Variants in ANKMY1 observed in about 807,000 individuals in gnomAD.
ANKMY1 encodes the protein ankyrin repeat and MYND domain containing 1, also known as ankyrin repeat and MYND domain-containing protein 1.
In ANKMY1, 98 loss-of-function variants were observed where a neutral mutation model predicts 102.0. The observed-to-expected ratio is 0.96, with a 90% CI of 0.82 to 1.14. The LOEUF (loss-of-function observed/expected upper bound fraction) is 1.14. Ranked by LOEUF, ANKMY1 falls within the 50% of genes most tolerant of loss-of-function variation. The probability of loss-of-function intolerance (pLI) is 0.00; values close to 1 mark genes in which losing one functional copy is unlikely to be tolerated. For synonymous variants in ANKMY1, 582 were observed against 559.9 expected (o/e 1.04, Z -0.56); for missense variants, 1,330 against 1,347.6 (o/e 0.99, Z 0.20).
intron 4 of ANKMY1, among the ~76,000 whole-genome samples, chr2:240,549,513 TGGGATC>T (rs1406477809): frequency 6.6e-6 from 1 of 152,004 alleles, no homozygotes; most frequent in African/African-American, 2.4e-5. Context: ...AATTGACAAA[TGGGATC>T]TAATTAAATT....
intron 4 of ANKMY1, among the ~76,000 whole-genome samples, chr2:240,540,074 A>G (rs1396846230): frequency 6.6e-6 from 1 of 152,266 alleles, no homozygotes; most frequent in Non-Finnish European, 1.5e-5. Context: ...CTTGCTATGT[A>G]GCATCCTTAA....
intron 4 of ANKMY1, among the ~76,000 whole-genome samples, chr2:240,546,154 T>C (rs1039949751): frequency 2.6e-5 from 4 of 152,196 alleles, no homozygotes; most frequent in African/African-American, 9.7e-5. Flanking sequence ...AGACTAACAG[T>C]GGATCTCTCG....
intron 15 of ANKMY1, among the ~76,000 whole-genome samples, chr2:240,488,454 AT>A (rs1162803436): frequency 4.0e-5 from 6 of 151,658 alleles, no homozygotes; most frequent in Non-Finnish European, 2.9e-5. Context: ...GCTATTTGGG[AT>A]TTTTTTGGTT....
upstream of ANKMY1, chr2:240,560,999 C>T (rs766787898): frequency 2.5e-5 from 39 of 1,538,634 alleles, no homozygotes; most frequent in South Asian, 4.6e-4. Flanking sequence ...ACTGCAAGAA[C>T]GGCCGCAGCC....
chr2:240,510,089 C>T (rs1470064054), intron 11 of ANKMY1, among the ~76,000 whole-genome samples: 1 of 146,796 alleles, frequency 6.8e-6, no homozygotes, highest in Non-Finnish European at 1.5e-5. Flanking sequence ...TCCCTGCCCC[C>T]CTGCTTCCCT....
At position 240,520,480 on chromosome 2, in the gene ANKMY1, G is replaced by C. The variant is rs1449904197; in HGVS notation, c.1886C>G (p.Pro629Arg). The C allele has an allele frequency of 3.7e-6, 6 of 1,613,278 alleles. No individual in the cohort carries two copies. The highest frequency in any genetic ancestry group is 2.7e-5 in the African/African-American group (2 of 74,924). The change falls in exon 9 of 18, where the codon CCC becomes CGC. Residue 629 changes from proline (P) to arginine (R), a missense_variant. Coordinates refer to ENST00000401804, the MANE Select transcript of ANKMY1 (RefSeq NM_001282771.3). This position sits in a 1 kb window ranked among gnomAD's most constrained non-coding sequence, Gnocchi z 4.8. ...CTGCATGGGCACGCAGCACAGGTTG[G>C]GGTCCGCGCCCCGGCGCAGCAGCAG... The part of the protein sequence containing the change: ...IKLLLRRGAD[P>R]NLCCVPMQVL...
chr2:240,528,925 G>T, intron 5 of ANKMY1, 112 bp downstream of exon 5: 1 of 958,566 alleles, frequency 1.0e-6, no homozygotes, highest in Non-Finnish European at 1.6e-6. Context: ...GTGTGTTTAG[G>T]TCACCCTGAG....
chr2:240,503,957 C>T (rs2078648474), intron 13 of ANKMY1, among the ~76,000 whole-genome samples: 1 of 152,174 alleles, frequency 6.6e-6, no homozygotes, highest in South Asian at 2.1e-4. Context: ...AGGTGGCCAC[C>T]AAGCCCCCAG....
intron 4 of ANKMY1, among the ~76,000 whole-genome samples, chr2:240,534,412 G>C (rs1019987949): frequency 1.3e-5 from 2 of 151,426 alleles, no homozygotes; most frequent in African/African-American, 4.9e-5. Flanking sequence ...TTTGAGACCA[G>C]CCTGGGCAAC....
At chr2:240,534,862 G>A (rs559078213) in intron 4 of ANKMY1, among the ~76,000 whole-genome samples, 19 of 152,184 alleles carry the variant, frequency 1.2e-4, no homozygotes, top group African/African-American at 3.4e-4. Flanking sequence ...CAGCACTTTC[G>A]GAGGCTGAGG....
chr2:240,469,211 G>A, the ANKMY1 span, among the ~76,000 whole-genome samples: 1 of 152,216 alleles, frequency 6.6e-6, no homozygotes. Flanking sequence ...CTGGGCAAAT[G>A]CATCTTTCAT....
intron 13 of ANKMY1, among the ~76,000 whole-genome samples, chr2:240,503,557 A>T (rs2078576574): frequency 6.6e-6 from 1 of 152,196 alleles, no homozygotes; most frequent in Non-Finnish European, 1.5e-5. Context: ...TTTCTGGGAC[A>T]ATCTTTAGAA....
intron 13 of ANKMY1, among the ~76,000 whole-genome samples, chr2:240,505,921 A>G (rs1307227726): frequency 6.6e-6 from 1 of 152,140 alleles, no homozygotes; most frequent in Non-Finnish European, 1.5e-5. Context: ...AGATGAGACC[A>G]TTTAAGGGAG....
Position 240,526,399 on chromosome 2 carries a change from C to T in ANKMY1, c.1000G>A (p.Gly334Arg). ...CAGGGTGCAAAGCCACTGCGCTTCCCCTCCAGGATGGCGCCCATGTTCCAG... is the reference window on the plus strand; with the variant it reads ...CAGGGTGCAAAGCCACTGCGCTTCCTCTCCAGGATGGCGCCCATGTTCCAG... ...TSWNMGAILEGKRSGFAPCGP... is the reference protein window; with the variant it reads ...TSWNMGAILERKRSGFAPCGP... The change falls in exon 6 of 18, where the codon GGG becomes AGG. Residue 334 changes from glycine (G) to arginine (R), a missense_variant. By Grantham distance (125) the Gly-to-Arg change is moderately radical. Coordinates refer to ENST00000401804, the MANE Select transcript of ANKMY1 (RefSeq NM_001282771.3). The T allele has an allele frequency of 6.2e-7, 1 of 1,614,222 alleles. No individual in the cohort carries two copies. The highest frequency in any genetic ancestry group is 1.1e-5 in the South Asian group (1 of 91,088).
chr2:240,490,474 CGTTT>C (rs945801620), intron 15 of ANKMY1, among the ~76,000 whole-genome samples: 46 of 152,022 alleles, frequency 3.0e-4, no homozygotes, highest in African/African-American at 1.0e-3. Flanking sequence ...CTTTTATCTT[CGTTT>C]GTTTCAATAC....
chr2:240,506,442 T>C lies in ANKMY1; in HGVS notation c.2526+1118A>G, dbSNP rs570027571. Reference sequence around the variant, plus strand: ...CTATGGAAAACTGACTTCTGCGTCCTCACTTAGTCTATCCAGACAGAACAG... The same window carrying C: ...CTATGGAAAACTGACTTCTGCGTCCCCACTTAGTCTATCCAGACAGAACAG... On this transcript the variant is annotated intron_variant, in intron 13 of 17. Coordinates refer to ENST00000401804, the MANE Select transcript of ANKMY1 (RefSeq NM_001282771.3). This position sits in a 1 kb window ranked among gnomAD's most constrained non-coding sequence, Gnocchi z 4.9. Among the ~76,000 whole-genome samples, 329 of 152,264 alleles carry C rather than the reference T, an allele frequency of 2.2e-3. 2 individuals carry two copies. The highest frequency in any genetic ancestry group is 4.0e-3 in the Non-Finnish European group (272 of 68,026).
At chr2:240,560,936 C>T (rs1399380473), upstream of ANKMY1, 5 of 1,537,968 alleles carry the variant, frequency 3.3e-6, no homozygotes, top group African/African-American at 1.4e-5. Flanking sequence ...ACCTGGAGCC[C>T]ACGTGCGCCG....
chr2:240,558,997 C>T (rs771546248), upstream of ANKMY1, among the ~76,000 whole-genome samples: 1 of 152,182 alleles, frequency 6.6e-6, no homozygotes, highest in African/African-American at 2.4e-5. Context: ...GATTTCACAA[C>T]CCACATTAGT....
chr2:240,527,103 G>T, intron 5 of ANKMY1: 2 of 432,176 alleles, frequency 4.6e-6, no homozygotes, highest in Non-Finnish European at 6.1e-6. Flanking sequence ...TGGATGAATG[G>T]ATGGGTGGGT....
Sources: gnomAD v4.1 joint callset for allele counts (sites outside exome capture counted in the v4.1 genomes callset) on GRCh38, gnomAD v4.1.1 for gene constraint, Gnocchi (gnomAD v3.1) non-coding constraint, MANE v1.5 for transcripts, NCBI Gene and HGNC (gene_info 2026-07-23, HGNC 2026-07-21) for gene names.